Variants in VPS41 observed in about 807,000 individuals in gnomAD.
The protein encoded by VPS41 is vacuolar protein sorting-associated protein 41 homolog.
A neutral mutation model predicts 130.9 loss-of-function variants in VPS41; 85 were observed. The ratio of observed to expected loss-of-function variants is 0.65; its 90% CI spans 0.55 to 0.78. The LOEUF is 0.78. Among genes scored for constraint, VPS41 ranks in the 30% least tolerant of loss-of-function variants. VPS41 has a pLI of 0.00. For missense variants in VPS41, 874 were observed against 1,018.7 expected (o/e 0.86, Z 1.93); for synonymous variants, 335 against 332.9 (o/e 1.01, Z -0.07).
intron 5 of VPS41, among the ~76,000 whole-genome samples, chr7:38,828,844 G>A (rs1332969669): frequency 1.3e-5 from 2 of 152,130 alleles, no homozygotes; most frequent in Non-Finnish European, 2.9e-5. Flanking sequence ...AGATGGAGTA[G>A]CTAACATATT....
At position 38,745,625 on chromosome 7, in the gene VPS41, G is replaced by A. The variant is rs1795971586; in HGVS notation, c.1927-12C>T. 1.9e-6 allele frequency: 3 copies of A among 1,597,814 alleles called. No individual in the cohort carries two copies. The Admixed American group carries it at 5.4e-5, about 29-fold the overall frequency. ...CAGATCTCAAGAGCCTTCAATTAAA[G>A]CAGGGTAAAAATGTTACTATAGGCG... On this transcript the variant is annotated splice_polypyrimidine_tract_variant and intron_variant, in intron 22 of 28. Coordinates refer to ENST00000310301, the MANE Select transcript of VPS41 (RefSeq NM_014396.4).
At chr7:38,767,496 C>A in intron 15 of VPS41, 41 bp downstream of exon 15, 1 of 1,448,432 alleles carries the variant, frequency 6.9e-7, no homozygotes, top group South Asian at 1.2e-5. Context: ...ATGCTCAATT[C>A]TATTTATATT....
chr7:38,764,318 C>T (rs1043947707), intron 16 of VPS41, among the ~76,000 whole-genome samples: 2 of 152,130 alleles, frequency 1.3e-5, no homozygotes, highest in African/African-American at 2.4e-5. Flanking sequence ...AGGCGTGGAG[C>T]CATGAACATG....
intron 4 of VPS41, among the ~76,000 whole-genome samples, chr7:38,841,752 C>A (rs1011521487): frequency 1.3e-5 from 2 of 152,200 alleles, no homozygotes; most frequent in Non-Finnish European, 2.9e-5. Flanking sequence ...TAGAGGCATG[C>A]GCCACCACAC....
intron 22 of VPS41, among the ~76,000 whole-genome samples, chr7:38,748,968 T>C (rs887189530): frequency 2.6e-5 from 4 of 152,064 alleles, no homozygotes; most frequent in Non-Finnish European, 4.4e-5. Flanking sequence ...TAAAACAATA[T>C]ACATGAAGGC....
chr7:38,761,584 C>T (rs918898997), intron 17 of VPS41, among the ~76,000 whole-genome samples: 1 of 141,786 alleles, frequency 7.1e-6, no homozygotes, highest in Admixed American at 6.7e-5. Context: ...TGAGCCACCA[C>T]ACACAGCCTC....
intron 6 of VPS41, among the ~76,000 whole-genome samples, chr7:38,818,312 C>T (rs140610901): frequency 2.3e-3 from 345 of 151,988 alleles, no homozygotes; most frequent in African/African-American, 7.8e-3. Context: ...CAATGATAGA[C>T]GGCACCAAGT....
chr7:38,866,029 A>C (rs1354423501), intron 3 of VPS41, among the ~76,000 whole-genome samples: 2 of 152,258 alleles, frequency 1.3e-5, no homozygotes, highest in Non-Finnish European at 2.9e-5. Context: ...AGACAAGTTC[A>C]CAGTATGTGC....
chr7:38,881,776 C>T (rs887412120), intron 2 of VPS41, among the ~76,000 whole-genome samples: 1 of 152,184 alleles, frequency 6.6e-6, no homozygotes, highest in Non-Finnish European at 1.5e-5. Context: ...GAGGACACAA[C>T]ACCAGCTTGA....
At chr7:38,908,523 A>T (rs1787318558) in intron 1 of VPS41, among the ~76,000 whole-genome samples, 1 of 150,794 alleles carries the variant, frequency 6.6e-6, no homozygotes, top group South Asian at 2.1e-4. Context: ...TTGTGTATAA[A>T]CTCCTCTCTC....
In VPS41 at chr7:38,763,402, C is replaced by T. The variant is rs1783963092; in HGVS notation, c.1422+53G>A. ...CTCCATTGTATTCCTTTCTAGATTTCCTAACACCTCCCATCGAGAACAAGT... is the reference window on the plus strand; with the variant it reads ...CTCCATTGTATTCCTTTCTAGATTTTCTAACACCTCCCATCGAGAACAAGT... On this transcript the variant is annotated intron_variant, in intron 17 of 28. Coordinates refer to ENST00000310301, the MANE Select transcript of VPS41 (RefSeq NM_014396.4). The T allele has an allele frequency of 3.9e-6, 5 of 1,275,340 alleles. No homozygotes were observed. The South Asian group carries it at 5.7e-5, about 15-fold the overall frequency. 79.0% of individuals were successfully genotyped at this position (1,275,340 alleles called of 1,614,324 possible). A position where few individuals can be genotyped will look rare whatever the true frequency, so the allele number is the denominator to read the frequency against.
At chr7:38,729,759 CTTT>C in intron 25 of VPS41, among the ~76,000 whole-genome samples, 1 of 152,226 alleles carries the variant, frequency 6.6e-6, no homozygotes, top group South Asian at 2.1e-4. Context: ...TCCTCCCCTG[CTTT>C]TAGGTGGGGA....
chr7:38,803,421 C>T (rs942366194), intron 7 of VPS41, among the ~76,000 whole-genome samples: 1 of 152,132 alleles, frequency 6.6e-6, no homozygotes, highest in African/African-American at 2.4e-5. Context: ...GGGCTTCAGC[C>T]GAGGGTCAAG....
At chr7:38,777,600 T>A (rs1464989005) in intron 10 of VPS41, among the ~76,000 whole-genome samples, 1 of 152,220 alleles carries the variant, frequency 6.6e-6, no homozygotes, top group Non-Finnish European at 1.5e-5. Flanking sequence ...AGTAGTGGTA[T>A]TACAGAGATC....
intron 4 of VPS41, among the ~76,000 whole-genome samples, chr7:38,846,532 A>G (rs1171644470): frequency 1.3e-5 from 2 of 152,214 alleles, no homozygotes; most frequent in Admixed American, 6.5e-5. Flanking sequence ...GACCACTGTT[A>G]CGACAGAAAG....
At chr7:38,774,550 A>G (rs1584389485) in intron 11 of VPS41, among the ~76,000 whole-genome samples, 1 of 151,992 alleles carries the variant, frequency 6.6e-6, no homozygotes, top group Admixed American at 6.6e-5. Flanking sequence ...GAAACAACTG[A>G]AAAAAAATGG....
Position 38,725,192 on chromosome 7 carries a change from T to C in VPS41, c.*1054A>G, listed in dbSNP as rs1360354733. The C allele has an allele frequency of 6.6e-6, 1 of 152,214 alleles. No individual in the cohort carries two copies. Among genetic ancestry groups the C allele is most frequent in the African/African-American group, 2.4e-5 (1 of 41,452 alleles). The allele number at this position is 152,214 out of a possible 1,614,324, so 9.4% of individuals were successfully genotyped here. A position where few individuals can be genotyped will look rare whatever the true frequency, so the allele number is the denominator to read the frequency against. On this transcript the variant is annotated 3_prime_UTR_variant, in exon 29 of 29. Coordinates refer to ENST00000310301, the MANE Select transcript of VPS41 (RefSeq NM_014396.4). ...ACTAAGAGATCAGGAACAATAAGGA[T>C]GTGTTTTGCGCACTTTTACACTCAT... is the stretch of plus-strand genomic sequence containing the variant.
intron 7 of VPS41, among the ~76,000 whole-genome samples, chr7:38,799,693 T>TA (rs1784689012): frequency 1.3e-5 from 2 of 152,124 alleles, no homozygotes; most frequent in Non-Finnish European, 2.9e-5. Context: ...TTCTAGAAAT[T>TA]CAAAAAATGC....
In VPS41 at chr7:38,898,123, C is replaced by T; in HGVS notation, c.28G>A (p.Gly10Arg). Residue 10 changes from glycine to arginine, a missense_variant, in exon 2 of 29, where the codon GGG becomes AGG. Transcript: ENST00000310301. ...TCATCTGTAGATTCTTCAAGGGACC[C>T]AGTTTCCTATAAAGCATAGAAAAAG... MAEAEEQET[G>R]SLEESTDESE... 1 of 1,613,452 alleles carries T rather than the reference C, an allele frequency of 6.2e-7. No individual in the cohort carries two copies. Among genetic ancestry groups the T allele is most frequent in the Non-Finnish European group, 8.5e-7 (1 of 1,179,550 alleles).
Sources: gnomAD v4.1 joint callset for allele counts (sites outside exome capture counted in the v4.1 genomes callset) on GRCh38, gnomAD v4.1.1 for gene constraint, MANE v1.5 for transcripts, NCBI Gene and HGNC (gene_info 2026-07-23, HGNC 2026-07-21) for gene names.